SCARF2: variants seen among roughly 807,000 people sequenced by gnomAD.
SCARF2 encodes scavenger receptor expressed by endothelial cells 2 protein.
In SCARF2, 39 loss-of-function variants were observed where a neutral mutation model predicts 73.4. The observed-to-expected ratio is 0.53, with a 90% CI of 0.41 to 0.69. SCARF2 has a LOEUF of 0.69. SCARF2 is among the 30% of genes least tolerant of loss of function. SCARF2 has a pLI of 0.00. For missense variants in SCARF2, 1,148 were observed against 1,303.5 expected (o/e 0.88, Z 1.84); for synonymous variants, 605 against 590.0 (o/e 1.03, Z -0.37).
At position 20,425,268 on chromosome 22, in the gene SCARF2, GGTGCCCGGCCAATAGGAGGCCGCCC is replaced by G; in HGVS notation, c.*82_*106del. ...GAGACGCAACCTCCGCTAGCCGCGC[GGTGCCCGGCCAATAGGAGGCCGCCC>G]GTGCCCGGTAGCGTGGGAGGTGTGG... On this transcript the variant is annotated 3_prime_UTR_variant, in exon 11 of 11. Transcript: ENST00000622235. This position sits in a 1 kb window ranked among gnomAD's most constrained non-coding sequence, Gnocchi z 4.6. 5.2e-6 allele frequency: 5 copies of G among 958,096 alleles called. No homozygotes were observed. The highest frequency in any genetic ancestry group is 6.9e-6 in the Non-Finnish European group (5 of 719,508). 59.3% of individuals were successfully genotyped at this position (958,096 alleles called of 1,614,324 possible). A position where few individuals can be genotyped will look rare whatever the true frequency, so the allele number is the denominator to read the frequency against.
chr22:20,427,399 C>T lies in SCARF2; in HGVS notation c.1692G>A (p.Glu564=). ...DEGPVYCVPH[E]EAPAESRDPE... The stretch of plus-strand genomic sequence containing the variant: ...ATGCCCAGGTAGGGCCTTACTTACC[C>T]TCATGGGGTACACAGTACACAGGGC... The change falls in exon 10 of 11, where the codon GAG becomes GAA. Residue 564 remains glutamate (E), a splice_region_variant and synonymous_variant. Transcript: ENST00000622235. 5 of 1,614,156 alleles carry T rather than the reference C, an allele frequency of 3.1e-6. No homozygotes were observed. Among genetic ancestry groups the T allele is most frequent in the Non-Finnish European group, 4.2e-6 (5 of 1,180,000 alleles).
At position 20,426,197 on chromosome 22, in the gene SCARF2, T is replaced by C. The variant is rs1260997444; in HGVS notation, c.1779A>G (p.Pro593=). The part of the protein sequence containing the change: ...PAPSPVPLTT[P]ASAEEAIPLP... The stretch of plus-strand genomic sequence containing the variant: ...GGGGTATCGCCTCCTCGGCGGAGGC[T>C]GGCGTGGTCAAGGGCACAGGGGACG... Residue 593 remains proline (P), a synonymous_variant, in exon 11 of 11, where the codon CCA becomes CCG. Coordinates refer to ENST00000622235, the MANE Select transcript of SCARF2 (RefSeq NM_182895.5). 1 of 1,518,884 alleles carries C rather than the reference T, an allele frequency of 6.6e-7. No individual in the cohort carries two copies. The highest frequency in any genetic ancestry group is 8.8e-7 in the Non-Finnish European group (1 of 1,139,338). 94.1% of individuals were successfully genotyped at this position (1,518,884 alleles called of 1,614,324 possible). A position where few individuals can be genotyped will look rare whatever the true frequency, so the allele number is the denominator to read the frequency against.
At chr22:20,434,908 C>A (rs1303983721) in intron 1 of SCARF2, among the ~76,000 whole-genome samples, 3 of 152,190 alleles carry the variant, frequency 2.0e-5, no homozygotes, top group African/African-American at 7.2e-5. Context: ...CTCCTGCTGC[C>A]CCGCCTGGAC....
At position 20,431,551 on chromosome 22, in the gene SCARF2, G is replaced by A. The variant is rs1318139409; in HGVS notation, c.335-14C>T. Reference sequence around the variant, plus strand: ...GGCGCGGGCACTCTGCAGGGGAGGAGCGGAGGGGGTGGAAGGCCCCGGTGC... The same window carrying A: ...GGCGCGGGCACTCTGCAGGGGAGGAACGGAGGGGGTGGAAGGCCCCGGTGC... On this transcript the variant is annotated splice_polypyrimidine_tract_variant and intron_variant, in intron 3 of 10. Transcript: ENST00000622235. 1.3e-6 allele frequency: 2 copies of A among 1,565,242 alleles called. No homozygotes were observed. Among genetic ancestry groups the A allele is most frequent in the Admixed American group, 3.6e-5 (2 of 55,092 alleles).
At chr22:20,428,682 T>C (rs1271802032) in intron 9 of SCARF2, among the ~76,000 whole-genome samples, 2 of 151,956 alleles carry the variant, frequency 1.3e-5, no homozygotes, top group Non-Finnish European at 2.9e-5. Context: ...TAGAAATAAG[T>C]GGGAAAGAGA....
At position 20,431,408 on chromosome 22, in the gene SCARF2, G is replaced by C; in HGVS notation, c.464C>G (p.Ala155Gly). ...ARRWGARCEH[A>G]CQCQHGTCHP... ...GCACGTGCCGTGCTGGCACTGGCAC[G>C]CATGCTCGCAGCGCGCGCCCCAGCG... is the stretch of plus-strand genomic sequence containing the variant. The change falls in exon 4 of 11, where the codon GCG becomes GGG. Residue 155 changes from alanine to glycine, a missense_variant. Physicochemically the swap from Ala to Gly is moderately conservative, Grantham distance 60. This residue lies in a region of SCARF2 where 372 missense variants were observed against 532.0 expected (regional missense o/e 0.70). Coordinates refer to ENST00000622235, the MANE Select transcript of SCARF2 (RefSeq NM_182895.5). 1 of 1,537,080 alleles carries C rather than the reference G, an allele frequency of 6.5e-7. No homozygotes were observed. The highest frequency in any genetic ancestry group is 8.7e-7 in the Non-Finnish European group (1 of 1,148,004).
chr22:20,431,885 C>T (rs1189197248), intron 2 of SCARF2, 39 bp from the exon 3 acceptor site: 1 of 1,124,744 alleles, frequency 8.9e-7, no homozygotes, highest in Non-Finnish European at 1.3e-6. Flanking sequence ...CGCGTCCTAG[C>T]CCCGCCCCCT....
At chr22:20,432,080 G>T in intron 1 of SCARF2, 92 bp from the exon 2 acceptor site, 4 of 1,324,704 alleles carry the variant, frequency 3.0e-6, no homozygotes, top group Non-Finnish European at 4.2e-6. Flanking sequence ...CAGCCTCCCT[G>T]CCTCTGCAGT....
intron 1 of SCARF2, among the ~76,000 whole-genome samples, chr22:20,437,063 G>A (rs2052708188): frequency 6.6e-6 from 1 of 152,060 alleles, no homozygotes; most frequent in African/African-American, 2.4e-5. Context: ...ACGCTCGCCT[G>A]GGTCACCACC....
At chr22:20,428,567 G>A (rs1287191784) in intron 9 of SCARF2, among the ~76,000 whole-genome samples, 1 of 152,154 alleles carries the variant, frequency 6.6e-6, no homozygotes, top group Non-Finnish European at 1.5e-5. Flanking sequence ...GCCTCCCAAA[G>A]TGCTGAGATT....
Position 20,429,173 on chromosome 22 carries a change from C to G in SCARF2, c.1540+52G>C. 1.2e-6 allele frequency: 2 copies of G among 1,612,476 alleles called. No homozygotes were observed. ...CCCCCTCACACCCATTTCCCAGCAG[C>G]TTCCTGCGTCGAGAGGTGTTTCTCC... On this transcript the variant is annotated intron_variant, in intron 9 of 10. Transcript: ENST00000622235. The surrounding 1 kb of genome is among the most constrained non-coding windows in gnomAD (Gnocchi z 5.2).
At position 20,425,078 on chromosome 22, in the gene SCARF2, C is replaced by T. The variant is rs2052556305; in HGVS notation, c.*297G>A. 1 of 356,904 alleles carries T rather than the reference C, an allele frequency of 2.8e-6. No homozygotes were observed. Among genetic ancestry groups the T allele is most frequent in the African/African-American group, 2.1e-5 (1 of 47,694 alleles). The allele number at this position is 356,904 out of a possible 1,614,324, so 22.1% of individuals were successfully genotyped here. On this transcript the variant is annotated 3_prime_UTR_variant, in exon 11 of 11. Coordinates refer to ENST00000622235, the MANE Select transcript of SCARF2 (RefSeq NM_182895.5). The surrounding 1 kb of genome is among the most constrained non-coding windows in gnomAD (Gnocchi z 4.6). ...GAGGCGGTCTTTAAGCGGAACCCTCCCATCTTTGGCCAATGAGACGCTGTC... is the reference window on the plus strand; with the variant it reads ...GAGGCGGTCTTTAAGCGGAACCCTCTCATCTTTGGCCAATGAGACGCTGTC...
chr22:20,431,869 C>G lies in SCARF2; in HGVS notation c.233-23G>C, dbSNP rs781611351. The G allele has an allele frequency of 3.8e-5, 60 of 1,596,700 alleles. No individual in the cohort carries two copies. In the Middle Eastern group the frequency reaches 5.0e-4, roughly 13 times the overall value. ...CCGCTGTGGACGAGACAGGCCAGAG[C>G]TGCTGCGCGTCCTAGCCCCGCCCCC... On this transcript the variant is annotated intron_variant, in intron 2 of 10. Coordinates refer to ENST00000622235, the MANE Select transcript of SCARF2 (RefSeq NM_182895.5).
chr22:20,430,403 C>A lies in SCARF2; in HGVS notation c.1202+26G>T. On this transcript the variant is annotated intron_variant, in intron 6 of 10. Transcript: ENST00000622235. ...CTCTGTGGCAGGTACAAGCCCCCAA[C>A]CCCCTCCCGGTCCCGGGGCACTCAC... is the stretch of plus-strand genomic sequence containing the variant. The A allele has an allele frequency of 2.5e-6, 4 of 1,579,520 alleles. No individual in the cohort carries two copies. In the South Asian group the frequency reaches 4.6e-5, roughly 18 times the overall value.
intron 1 of SCARF2, among the ~76,000 whole-genome samples, chr22:20,433,412 G>A (rs1324677073): frequency 2.6e-5 from 4 of 152,180 alleles, no homozygotes; most frequent in Non-Finnish European, 4.4e-5. Context: ...GGTGGGGGGC[G>A]GAGTTTGGGA....
chr22:20,429,697 C>G lies in SCARF2; in HGVS notation c.1306+33G>C, dbSNP rs754824225. The G allele has an allele frequency of 3.1e-6, 5 of 1,614,024 alleles. No individual in the cohort carries two copies. Among genetic ancestry groups the G allele is most frequent in the Non-Finnish European group, 4.2e-6 (5 of 1,179,952 alleles). ...TCAGCGCGGTTTCTGGCACCCCCTG[C>G]ATTCCTTAACGGGACGCCCCTCATC... On this transcript the variant is annotated intron_variant, in intron 7 of 10. Coordinates refer to ENST00000622235, the MANE Select transcript of SCARF2 (RefSeq NM_182895.5). The surrounding 1 kb of genome is among the most constrained non-coding windows in gnomAD (Gnocchi z 5.2).
At chr22:20,435,821 G>A (rs2052693809) in intron 1 of SCARF2, among the ~76,000 whole-genome samples, 1 of 152,068 alleles carries the variant, frequency 6.6e-6, no homozygotes. Flanking sequence ...ACAGGGTCAG[G>A]GTCTCCACTG....
Position 20,431,048 on chromosome 22 carries a change from G to A in SCARF2, c.824C>T (p.Ala275Val). The change falls in exon 4 of 11, where the codon GCC becomes GTC. Residue 275 changes from alanine to valine, a missense_variant. Physicochemically the swap from Ala to Val is moderately conservative, Grantham distance 64 (BLOSUM62 0). Coordinates refer to ENST00000622235, the MANE Select transcript of SCARF2 (RefSeq NM_182895.5). ...RGKYCREPCP[A>V]GFYGLGCRRR... is the part of the protein sequence containing the mutation. ...GCGACAGCCCAAGCCGTAGAAGCCG[G>A]CGGGGCACGGCTCGCGACAGTACTT... The A allele has an allele frequency of 6.4e-7, 1 of 1,566,334 alleles. No homozygotes were observed. Among genetic ancestry groups the A allele is most frequent in the Non-Finnish European group, 8.6e-7 (1 of 1,164,024 alleles).
At position 20,425,028 on chromosome 22, in the gene SCARF2, A is replaced by C; in HGVS notation, c.*347T>G. Reference sequence around the variant, plus strand: ...CTGCAACCAATGAGAAGGTAGCCCTAACCAAGTCCACTCCTGGCCAGTAAG... The same window carrying C: ...CTGCAACCAATGAGAAGGTAGCCCTCACCAAGTCCACTCCTGGCCAGTAAG... On this transcript the variant is annotated 3_prime_UTR_variant, in exon 11 of 11. Coordinates refer to ENST00000622235, the MANE Select transcript of SCARF2 (RefSeq NM_182895.5). The surrounding 1 kb of genome is among the most constrained non-coding windows in gnomAD (Gnocchi z 4.6). The C allele has an allele frequency of 4.0e-6, 1 of 249,120 alleles. No homozygotes were observed. Among genetic ancestry groups the C allele is most frequent in the Non-Finnish European group, 7.7e-6 (1 of 130,126 alleles). The allele number at this position is 249,120 out of a possible 1,614,324, so 15.4% of individuals were successfully genotyped here. A position where few individuals can be genotyped will look rare whatever the true frequency, so the allele number is the denominator to read the frequency against.
Sources: allele counts gnomAD v4.1 joint callset (sites outside exome capture counted in the v4.1 genomes callset), GRCh38; gene constraint gnomAD v4.1.1; regional missense constraint gnomAD v4.1.1; non-coding constraint Gnocchi (gnomAD v3.1); transcripts MANE v1.5; gene names NCBI Gene and HGNC (gene_info 2026-07-23, HGNC 2026-07-21).